Variants in MCM3AP observed in about 807,000 individuals in gnomAD.
The protein encoded by MCM3AP is germinal-center associated nuclear protein.
MCM3AP carries 126 observed loss-of-function variants against 184.1 expected under a neutral mutation model. The observed-to-expected ratio is 0.68, with a 90% CI of 0.59 to 0.79. The LOEUF (loss-of-function observed/expected upper bound fraction) is 0.79, where lower values mean the gene tolerates loss of function less well. Among genes scored for constraint, MCM3AP ranks in the 30% least tolerant of loss-of-function variants. The pLI, the probability that MCM3AP is intolerant of heterozygous loss-of-function variation, is 0.00. For synonymous variants in MCM3AP, 1,002 were observed against 979.3 expected (o/e 1.02, Z -0.43); for missense variants, 2,496 against 2,479.2 (o/e 1.01, Z -0.14).
chr21:46,257,645 G>A (rs927021624), intron 16 of MCM3AP, among the ~76,000 whole-genome samples: 1 of 151,948 alleles, frequency 6.6e-6, no homozygotes. Flanking sequence ...CTACGTCCAG[G>A]CTCGGTGGCT....
intron 19 of MCM3AP, 109 bp downstream of exon 19, chr21:46,254,283 A>G (rs2080913907): frequency 2.6e-6 from 3 of 1,173,650 alleles, no homozygotes; most frequent in East Asian, 2.4e-5. Context: ...ACATAAACCT[A>G]CACTTCCGAG....
chr21:46,245,140 A>G lies in MCM3AP; in HGVS notation c.4705T>C (p.Cys1569Arg). The G allele has an allele frequency of 6.2e-7, 1 of 1,614,246 alleles. No homozygotes were observed. Among genetic ancestry groups the G allele is most frequent in the East Asian group, 2.2e-5 (1 of 44,894 alleles). ...TCGACGTACTGAATGAGAGTCTGGC[A>G]GCAGAGGTCAAGGGAATGGGGGCAG... The part of the protein sequence containing the change: ...SHCPHSLDLC[C>R]QTLIQYVEDG... The change falls in exon 23 of 28, where the codon TGC becomes CGC. Residue 1569 changes from cysteine to arginine, a missense_variant. Coordinates refer to ENST00000291688, the MANE Select transcript of MCM3AP (RefSeq NM_003906.5).
rs1157704182 is a variant in MCM3AP at position 46,277,683 on chromosome 21, G to A, written c.1702C>T (p.His568Tyr). The change falls in exon 5 of 28, where the codon CAC (histidine) becomes TAC (tyrosine). Residue 568 changes from histidine to tyrosine, a missense_variant. Physicochemically the swap from His to Tyr is moderately conservative, Grantham distance 83. Coordinates refer to ENST00000291688, the MANE Select transcript of MCM3AP (RefSeq NM_003906.5). The part of the protein sequence containing the change: ...PVKKPSLLKA[H>Y]QFEGDSFDSA... ...TCAAAAGAGTCTCCCTCGAATTGGT[G>A]GGCCTTTAGAAGACTTGGCTTCTTC... 6.2e-7 allele frequency: 1 copy of A among 1,602,358 alleles called. No individual in the cohort carries two copies.
chr21:46,266,801 G>C, intron 10 of MCM3AP, 181 bp downstream of exon 10: 1 of 635,894 alleles, frequency 1.6e-6, no homozygotes, highest in Non-Finnish European at 2.7e-6. Flanking sequence ...TCAATGTGCT[G>C]ACAGCCAGGA....
intron 6 of MCM3AP, among the ~76,000 whole-genome samples, 176 bp downstream of exon 6, chr21:46,275,010 T>C (rs1232063657): frequency 6.6e-6 from 1 of 151,708 alleles, no homozygotes; most frequent in Non-Finnish European, 1.5e-5. Context: ...TACCTTATCA[T>C]GTATAGGTAC....
In MCM3AP at chr21:46,258,980, C is replaced by T. The variant is rs750897110; in HGVS notation, c.3693G>A (p.Glu1231=). ...LVEEIFQTAK[E]TLQELQCFCK... ...AGAAGCACTGAAGCTCCTGGAGGGT[C>T]TCCTTTGCAGTCTGGAAGATTTCCT... The change falls in exon 16 of 28, where the codon GAG becomes GAA. Residue 1231 remains glutamate (E), a synonymous_variant. Coordinates refer to ENST00000291688, the MANE Select transcript of MCM3AP (RefSeq NM_003906.5). 209 of 1,614,012 alleles carry T rather than the reference C, an allele frequency of 1.3e-4. No individual in the cohort carries two copies. Among genetic ancestry groups the T allele is most frequent in the Non-Finnish European group, 1.8e-4 (208 of 1,180,022 alleles).
In MCM3AP at chr21:46,278,905, C is replaced by T. The variant is rs866509109; in HGVS notation, c.1667+1088G>A. On this transcript the variant is annotated intron_variant, in intron 4 of 27. Transcript: ENST00000291688. ...AGCCAGGATGGTCTCAATCTCCTGA[C>T]CTTGTGATCCGCCCGCCTTGGCCTC... Among the ~76,000 whole-genome samples the T allele has an allele frequency of 9.9e-5, 15 of 151,058 alleles. No homozygotes were observed. In the South Asian group the frequency reaches 3.1e-3, roughly 32 times the overall value.
chr21:46,254,705 G>C (rs2080921731), intron 18 of MCM3AP, 71 bp downstream of exon 18: 2 of 1,479,376 alleles, frequency 1.4e-6, no homozygotes, highest in East Asian at 4.5e-5. Flanking sequence ...TGCATGAAGG[G>C]GGCTGCCAGT....
At chr21:46,280,607 G>A (rs1411091202) in intron 2 of MCM3AP, 32 bp from the exon 3 acceptor site, 5 of 1,460,078 alleles carry the variant, frequency 3.4e-6, no homozygotes, top group East Asian at 2.3e-5. Flanking sequence ...CCATGTGTGA[G>A]TATATCAGGA....
At chr21:46,240,138 T>C (rs2080631447) in intron 26 of MCM3AP, among the ~76,000 whole-genome samples, 1 of 152,066 alleles carries the variant, frequency 6.6e-6, no homozygotes, top group Admixed American at 6.6e-5. Flanking sequence ...GAGATACTCA[T>C]TGAATGAATG....
rs755989950 is a variant in MCM3AP at position 46,280,077 on chromosome 21, G to C, written c.1583C>G (p.Pro528Arg). ...EKKPGDGEVS[P>R]STEDAPFQHS... ...CTGAAAGGGTGCATCCTCTGTGCTC[G>C]GGCTGACTTCACCGTCACCTGGTTT... Residue 528 changes from proline to arginine, a missense_variant, in exon 4 of 28, where the codon CCG becomes CGG. Pro to Arg is a moderately radical substitution (Grantham distance 103). This residue lies in a region of MCM3AP where 800 missense variants were observed against 717.1 expected (regional missense o/e 1.12). Transcript: ENST00000291688. 6 of 1,614,120 alleles carry C rather than the reference G, an allele frequency of 3.7e-6. No homozygotes were observed. Among genetic ancestry groups the C allele is most frequent in the Non-Finnish European group, 5.1e-6 (6 of 1,180,008 alleles).
chr21:46,273,705 A>G (rs1328049537), intron 6 of MCM3AP, 120 bp from the exon 7 acceptor site: 7 of 688,692 alleles, frequency 1.0e-5, no homozygotes, highest in East Asian at 5.5e-5. Context: ...ATTTGAGAAT[A>G]TATTTTTTCA....
chr21:46,280,567 T>G lies in MCM3AP; in HGVS notation c.1452A>C (p.Ala484=). The G allele has an allele frequency of 6.2e-7, 1 of 1,611,662 alleles. No homozygotes were observed. The highest frequency in any genetic ancestry group is 8.5e-7 in the Non-Finnish European group (1 of 1,178,170). The change falls in exon 3 of 28, where the codon GCA becomes GCC. Residue 484 remains alanine, a synonymous_variant. Transcript: ENST00000291688. ...TTTTCCCCTTCTTTCTAGCCAGGGC[T>G]GCAGATGCCTGGAAAACAGTCCACA... is the stretch of plus-strand genomic sequence containing the variant. ...AVVHFFDHAS[A]ALARKKGKSL...
In MCM3AP at chr21:46,240,864, G is replaced by GAGCTCCTCAGCAGA; in HGVS notation, c.5566_5579dup (p.Ala1862LeufsTer41). On this transcript the variant is annotated frameshift_variant, in exon 26 of 28. Transcript: ENST00000291688. LOFTEE classifies it high-confidence loss of function. ...GACTGCTCGACAAACACTGCGCCAA[G>GAGCTCCTCAGCAGA]AGCTCCTCAGCAGAAGCTCCTCGCA... is the stretch of plus-strand genomic sequence containing the variant. The GAGCTCCTCAGCAGA allele has an allele frequency of 6.2e-7, 1 of 1,614,210 alleles. No homozygotes were observed. Among genetic ancestry groups the GAGCTCCTCAGCAGA allele is most frequent in the East Asian group, 2.2e-5 (1 of 44,886 alleles).
At chr21:46,245,349 A>G (rs1309292618) in intron 22 of MCM3AP, 152 bp from the exon 23 acceptor site, 2 of 707,576 alleles carry the variant, frequency 2.8e-6, no homozygotes, top group African/African-American at 1.8e-5. Flanking sequence ...GAAGTGTCCT[A>G]TGCAGTTGAG....
rs1245403214 is a variant in MCM3AP at position 46,245,300 on chromosome 21, C to T, written c.4648-103G>A. ...CAAGGTTGCCCACAGCAGGTAATAC[C>T]AGAGTACTGGGCTCTCAACTGTGGT... On this transcript the variant is annotated intron_variant, in intron 22 of 27. Coordinates refer to ENST00000291688, the MANE Select transcript of MCM3AP (RefSeq NM_003906.5). The T allele has an allele frequency of 3.9e-6, 4 of 1,038,456 alleles. No homozygotes were observed. The African/African-American group carries it at 4.8e-5, about 12-fold the overall frequency. The allele number at this position is 1,038,456 out of a possible 1,614,324, so 64.3% of individuals were successfully genotyped here. A position where few individuals can be genotyped will look rare whatever the true frequency, so the allele number is the denominator to read the frequency against.
chr21:46,252,919 G>C (rs2080895382), intron 19 of MCM3AP: 1 of 152,222 alleles, frequency 6.6e-6, no homozygotes, highest in South Asian at 2.1e-4. Flanking sequence ...GAAGCATGCA[G>C]ATTGCTTGAG....
intron 26 of MCM3AP, among the ~76,000 whole-genome samples, chr21:46,239,908 G>A (rs1007746524): frequency 6.6e-5 from 10 of 152,116 alleles, no homozygotes; most frequent in Admixed American, 1.3e-4. Flanking sequence ...ACCAAGGACT[G>A]GGATTCACGG....
chr21:46,255,844 G>T (rs375069699), intron 17 of MCM3AP, among the ~76,000 whole-genome samples: 1 of 151,962 alleles, frequency 6.6e-6, no homozygotes, highest in Non-Finnish European at 1.5e-5. Context: ...AGCTACGGAG[G>T]GGGGACACAA....
Sources: allele counts gnomAD v4.1 joint callset (sites outside exome capture counted in the v4.1 genomes callset), GRCh38; gene constraint gnomAD v4.1.1; regional missense constraint gnomAD v4.1.1; transcripts MANE v1.5; gene names NCBI Gene and HGNC (gene_info 2026-07-23, HGNC 2026-07-21).